Variants in SOCS5 observed in about 807,000 individuals in gnomAD.
SOCS5 encodes the protein suppressor of cytokine signaling 5.
In SOCS5, 32 loss-of-function variants were observed where a neutral mutation model predicts 42.8. The ratio of observed to expected loss-of-function variants is 0.75; its 90% CI spans 0.56 to 1.01. The LOEUF (loss-of-function observed/expected upper bound fraction) is 1.01, where lower values mean the gene tolerates loss of function less well. SOCS5 is among the 50% of genes least tolerant of loss of function. The pLI, the probability that SOCS5 is intolerant of heterozygous loss-of-function variation, is 0.00. For synonymous variants in SOCS5, 283 were observed against 229.6 expected, an observed-to-expected ratio of 1.23 and a Z score of -2.10; for missense variants, 627 against 653.0, an observed-to-expected ratio of 0.96 and a Z score of 0.43.
chr2:46,760,657 C>T lies in SOCS5; in HGVS notation c.*516C>T, dbSNP rs1429995192. 5.9e-6 allele frequency: 1 copy of T among 169,114 alleles called. No homozygotes were observed. The highest frequency in any genetic ancestry group is 1.9e-4 in the East Asian group (1 of 5,224). 10.5% of individuals were successfully genotyped at this position (169,114 alleles called of 1,614,324 possible). ...AAATGCAATTTTCTGGCCACAAGGG[C>T]ATAGTGCAGTTCACTTACGTGTTGA... On this transcript the variant is annotated 3_prime_UTR_variant, in exon 2 of 2. Coordinates refer to ENST00000394861, the MANE Select transcript of SOCS5 (RefSeq NM_144949.3).
intron 1 of SOCS5, among the ~76,000 whole-genome samples, chr2:46,743,551 C>G (rs1447483040): frequency 6.6e-6 from 1 of 152,082 alleles, no homozygotes; most frequent in Non-Finnish European, 1.5e-5. Context: ...TGTCATGCAG[C>G]CTGTTTTCTC....
chr2:46,731,414 A>G (rs1673121166), intron 1 of SOCS5, among the ~76,000 whole-genome samples: 1 of 152,202 alleles, frequency 6.6e-6, no homozygotes, highest in Non-Finnish European at 1.5e-5. Context: ...AACTATGAGA[A>G]ATACATTTCT....
chr2:46,760,045 T>G lies in SOCS5; in HGVS notation c.1515T>G (p.Pro505=). The change falls in exon 2 of 2, where the codon CCT becomes CCG. Residue 505 remains proline (P), a synonymous_variant. Coordinates refer to ENST00000394861, the MANE Select transcript of SOCS5 (RefSeq NM_144949.3). ...CGTATGATGGAATTGATGGGCTCCCTCTACCCTCAATGTTACAGGATTTTT... is the reference window on the plus strand; with the variant it reads ...CGTATGATGGAATTGATGGGCTCCCGCTACCCTCAATGTTACAGGATTTTT... ...CTTYDGIDGL[P]LPSMLQDFLK... 1 of 1,613,866 alleles carries G rather than the reference T, an allele frequency of 6.2e-7. No individual in the cohort carries two copies. Among genetic ancestry groups the G allele is most frequent in the Non-Finnish European group, 8.5e-7 (1 of 1,179,752 alleles).
rs777668623 is a variant in SOCS5 at position 46,759,542 on chromosome 2, C to A, written c.1012C>A (p.Gln338Lys). 2.5e-5 allele frequency: 40 copies of A among 1,613,838 alleles called. No homozygotes were observed. Among genetic ancestry groups the A allele is most frequent in the Non-Finnish European group, 4.2e-6 (5 of 1,179,872 alleles). Residue 338 changes from glutamine (Q) to lysine (K), a missense_variant, in exon 2 of 2, where the codon CAG (glutamine) becomes AAG (lysine). Coordinates refer to ENST00000394861, the MANE Select transcript of SOCS5 (RefSeq NM_144949.3). ...CACCCTGTGTTTGCAGTCACGGAGG[C>A]AGAAGCAGCGTCAGATATCTGGAGA... is the stretch of plus-strand genomic sequence containing the variant. ...TTTLCLQSRR[Q>K]KQRQISGDSH...
At chr2:46,708,044 A>G (rs1672536285) in intron 1 of SOCS5, among the ~76,000 whole-genome samples, 1 of 152,238 alleles carries the variant, frequency 6.6e-6, no homozygotes, top group African/African-American at 2.4e-5. Flanking sequence ...ACCAAATTGT[A>G]AGTCAGAGAC....
In SOCS5 at chr2:46,756,591, A is replaced by G. The variant is rs139991285; in HGVS notation, c.-12-1928A>G. 5.0e-3 allele frequency among the ~76,000 whole-genome samples: 760 copies of G among 152,376 alleles called. 6 individuals are homozygous for G. Among genetic ancestry groups the G allele is most frequent in the Admixed American group, 1.0e-2 (153 of 15,306 alleles). On this transcript the variant is annotated intron_variant, in intron 1 of 1. Coordinates refer to ENST00000394861, the MANE Select transcript of SOCS5 (RefSeq NM_144949.3). ...TACTTTTAAATTTTCTAGTAGCCAC[A>G]TGGTGGGTGGTGCTGTTTTTTGTTA...
At chr2:46,745,827 TAGA>T (rs1180769395) in intron 1 of SOCS5, among the ~76,000 whole-genome samples, 4 of 152,320 alleles carry the variant, frequency 2.6e-5, no homozygotes, top group African/African-American at 9.6e-5. Context: ...TCTTGGTCTT[TAGA>T]AGGATTGAAG....
intron 1 of SOCS5, among the ~76,000 whole-genome samples, chr2:46,748,202 TTTTG>T (rs1673548057): frequency 6.6e-6 from 1 of 151,306 alleles, no homozygotes; most frequent in Admixed American, 6.6e-5. Context: ...TTTTTTTTTT[TTTTG>T]ACACAGTCTC....
intron 1 of SOCS5, among the ~76,000 whole-genome samples, chr2:46,714,699 C>A (rs1388191759): frequency 6.6e-6 from 1 of 152,158 alleles, no homozygotes; most frequent in East Asian, 1.9e-4. Context: ...AGCCATGCCC[C>A]CATGCCAACC....
chr2:46,703,727 A>C (rs1400848193), intron 1 of SOCS5, among the ~76,000 whole-genome samples: 1 of 152,178 alleles, frequency 6.6e-6, no homozygotes. Context: ...TAGACTGTAC[A>C]AATTACTTTC....
chr2:46,703,276 T>A (rs113393321), intron 1 of SOCS5, among the ~76,000 whole-genome samples: 3,921 of 152,204 alleles, frequency 0.026, 171 homozygotes, highest in African/African-American at 0.089. Context: ...AGATGATAAA[T>A]ACCTGGGCCA....
rs1412591841 is a variant in SOCS5, at chr2:46,759,678, G to C, written c.1148G>C (p.Trp383Ser). The change falls in exon 2 of 2, where the codon TGG becomes TCG. Residue 383 changes from tryptophan (W) to serine (S), a missense_variant. Transcript: ENST00000394861. ...CAAATTACAGGGAATCCCTGTTACT[G>C]GGGAGTGATGGACCGTTATGAAGCA... is the stretch of plus-strand genomic sequence containing the variant. ...LLQITGNPCY[W>S]GVMDRYEAEA... 5 of 1,614,058 alleles carry C rather than the reference G, an allele frequency of 3.1e-6. No individual in the cohort carries two copies. Among genetic ancestry groups the C allele is most frequent in the Non-Finnish European group, 4.2e-6 (5 of 1,179,958 alleles).
intron 1 of SOCS5, among the ~76,000 whole-genome samples, chr2:46,714,303 T>C (rs937079813): frequency 1.3e-5 from 2 of 152,240 alleles, no homozygotes; most frequent in Admixed American, 1.3e-4. Context: ...TTTTGTTTCC[T>C]ATTTCAAGCA....
At chr2:46,720,751 C>A (rs1283669666) in intron 1 of SOCS5, among the ~76,000 whole-genome samples, 1 of 152,110 alleles carries the variant, frequency 6.6e-6, no homozygotes, top group South Asian at 2.1e-4. Flanking sequence ...ACAGCTGATG[C>A]ATCATAGGGG....
At position 46,734,524 on chromosome 2, in the gene SOCS5, C is replaced by T. The variant is rs560933580; in HGVS notation, c.-12-23995C>T. Among the ~76,000 whole-genome samples, 116 of 152,230 alleles carry T rather than the reference C, an allele frequency of 7.6e-4. 1 individual carries two copies. Among genetic ancestry groups the T allele is most frequent in the African/African-American group, 2.7e-3 (113 of 41,548 alleles). On this transcript the variant is annotated intron_variant, in intron 1 of 1. Transcript: ENST00000394861. Reference sequence around the variant, plus strand: ...ACTTTAATAGGCAGATATTTGAATCCTTACTTAATCTAGCCATTACCGAAG... The same window carrying T: ...ACTTTAATAGGCAGATATTTGAATCTTTACTTAATCTAGCCATTACCGAAG...
Position 46,758,822 on chromosome 2 carries a change from A to C in SOCS5, c.292A>C (p.Asn98His). The change falls in exon 2 of 2, where the codon AAT (asparagine) becomes CAT (histidine). Residue 98 changes from asparagine to histidine, a missense_variant. Coordinates refer to ENST00000394861, the MANE Select transcript of SOCS5 (RefSeq NM_144949.3). ...TGTTGAAATAAGCATCGAAAAGGAT[A>C]ATGATTCTTGTGTTACCCCAGGAAC... ...QIVEISIEKD[N>H]DSCVTPGTRL... The C allele has an allele frequency of 6.2e-7, 1 of 1,614,206 alleles. No homozygotes were observed. The highest frequency in any genetic ancestry group is 8.5e-7 in the Non-Finnish European group (1 of 1,179,994).
chr2:46,752,277 G>C (rs1673639916), intron 1 of SOCS5, among the ~76,000 whole-genome samples: 1 of 151,962 alleles, frequency 6.6e-6, no homozygotes, highest in Non-Finnish European at 1.5e-5. Context: ...TGCGCACAGG[G>C]GATCTAGGTT....
chr2:46,722,114 T>C (rs956971021), intron 1 of SOCS5, among the ~76,000 whole-genome samples: 3 of 152,092 alleles, frequency 2.0e-5, no homozygotes, highest in African/African-American at 7.2e-5. Context: ...TTTTACATGG[T>C]GATATTAAAT....
At position 46,759,054 on chromosome 2, in the gene SOCS5, G is replaced by T. The variant is rs745622402; in HGVS notation, c.524G>T (p.Arg175Leu). 17 of 1,613,934 alleles carry T rather than the reference G, an allele frequency of 1.1e-5. No homozygotes were observed. The highest frequency in any genetic ancestry group is 1.4e-5 in the Non-Finnish European group (17 of 1,179,836). ...DSVSSRTVGS[R>L]SLRQRLQDTV... is the part of the protein sequence containing the mutation. ...GTTTCCAGCAGAACTGTAGGAAGTC[G>T]CTCTCTAAGACAGAGGTTGCAGGAT... The change falls in exon 2 of 2, where the codon CGC (arginine) becomes CTC (leucine). Residue 175 changes from arginine (R) to leucine (L), a missense_variant. By Grantham distance (102) the Arg-to-Leu change is moderately radical (BLOSUM62 -2). Around this residue, in one of 3 missense-constraint regions of SOCS5, gnomAD observed 278 missense variants for 246.3 expected, o/e 1.13. Transcript: ENST00000394861.
Sources: gnomAD v4.1 joint callset for allele counts (sites outside exome capture counted in the v4.1 genomes callset) on GRCh38, gnomAD v4.1.1 for gene constraint, gnomAD v4.1.1 regional missense constraint, MANE v1.5 for transcripts, NCBI Gene and HGNC (gene_info 2026-07-23, HGNC 2026-07-21) for gene names.